The following PKIA variants were observed in gnomAD, a reference collection of about 807,000 sequenced individuals.
PKIA encodes cAMP-dependent protein kinase inhibitor alpha, also known as PKI-alpha.
In PKIA, 4 loss-of-function variants were observed where a neutral mutation model predicts 7.6. The observed-to-expected ratio is 0.52, with a 90% confidence interval of 0.26 to 1.20. The LOEUF is 1.20. Ranked by LOEUF, PKIA falls within the 50% of genes most tolerant of loss-of-function variation. The pLI, the probability that PKIA is intolerant of heterozygous loss-of-function variation, is 0.13. For synonymous variants in PKIA, 21 were observed against 30.7 expected, an observed-to-expected ratio of 0.68 and a Z score of 1.04; for missense variants, 73 against 86.2, an observed-to-expected ratio of 0.85 and a Z score of 0.61.
chr8:78,570,064 A>T (rs1486426385), intron 1 of PKIA, among the ~76,000 whole-genome samples: 1 of 152,174 alleles, frequency 6.6e-6, no homozygotes, highest in Admixed American at 6.6e-5. Context: ...GCTAACATCC[A>T]TATCATCAAA....
intron 1 of PKIA, among the ~76,000 whole-genome samples, chr8:78,518,366 T>C (rs1012547822): frequency 1.3e-5 from 2 of 152,226 alleles, no homozygotes; most frequent in Non-Finnish European, 2.9e-5. Flanking sequence ...ACATTAACTA[T>C]GAGGTAACAA....
chr8:78,572,488 C>T (rs1404880635), intron 1 of PKIA, among the ~76,000 whole-genome samples: 3 of 150,378 alleles, frequency 2.0e-5, no homozygotes, highest in Non-Finnish European at 4.4e-5. Flanking sequence ...AAATCACTGA[C>T]TAGTAGTCAA....
intron 2 of PKIA, among the ~76,000 whole-genome samples, chr8:78,583,758 T>G (rs1807877943): frequency 6.6e-6 from 1 of 152,122 alleles, no homozygotes; most frequent in Non-Finnish European, 1.5e-5. Flanking sequence ...TGGCTTGACC[T>G]AATCTATTAT....
Position 78,604,139 on chromosome 8 carries a change from TAAGGAGAG to T in PKIA, c.*2324_*2331del, listed in dbSNP as rs1038238817. On this transcript the variant is annotated 3_prime_UTR_variant, in exon 4 of 4. Coordinates refer to ENST00000396418, the MANE Select transcript of PKIA (RefSeq NM_006823.4). ...AAGAATACATATGGATTTGAATTTT[TAAGGAGAG>T]AAGGAAAGGGTAGGAAACCAGGGCC... The T allele has an allele frequency of 1.3e-5, 2 of 152,026 alleles. No individual in the cohort carries two copies. The highest frequency in any genetic ancestry group is 1.3e-4 in the Admixed American group (2 of 15,232). The allele number at this position is 152,026 out of a possible 1,614,324, so 9.4% of individuals were successfully genotyped here. A position where few individuals can be genotyped will look rare whatever the true frequency, so the allele number is the denominator to read the frequency against.
intron 1 of PKIA, among the ~76,000 whole-genome samples, chr8:78,564,128 A>G (rs1807349563): frequency 6.6e-6 from 1 of 152,036 alleles, no homozygotes; most frequent in South Asian, 2.1e-4. Context: ...GAAGGAAGTA[A>G]AGAAGAAAGA....
chr8:78,542,861 C>T (rs113778061), intron 1 of PKIA, among the ~76,000 whole-genome samples: 38 of 152,198 alleles, frequency 2.5e-4, no homozygotes, highest in African/African-American at 8.2e-4. Context: ...CTTCCTGTCT[C>T]GTATCCATCT....
At position 78,551,330 on chromosome 8, in the gene PKIA, G is replaced by A. The variant is rs149219489; in HGVS notation, c.-156-21481G>A. ...GAAAAGGAGCTTATGTCTAATGTATGGTATATGGTAGACACCATGTTAGCA... is the reference window on the plus strand; with the variant it reads ...GAAAAGGAGCTTATGTCTAATGTATAGTATATGGTAGACACCATGTTAGCA... On this transcript the variant is annotated intron_variant, in intron 1 of 3. Transcript: ENST00000396418. 2.6e-3 allele frequency among the ~76,000 whole-genome samples: 391 copies of A among 152,070 alleles called. 2 individuals are homozygous for A. Among genetic ancestry groups the A allele is most frequent in the Non-Finnish European group, 4.4e-3 (302 of 67,926 alleles).
At chr8:78,519,253 A>G (rs1462724615) in intron 1 of PKIA, among the ~76,000 whole-genome samples, 1 of 152,104 alleles carries the variant, frequency 6.6e-6, no homozygotes, top group African/African-American at 2.4e-5. Flanking sequence ...TAGGAGTTAA[A>G]GTTGCCCTCT....
intron 1 of PKIA, among the ~76,000 whole-genome samples, chr8:78,526,396 CAT>C (rs1279555129): frequency 3.9e-5 from 6 of 152,056 alleles, no homozygotes; most frequent in Admixed American, 2.6e-4. Flanking sequence ...AATTGTACCA[CAT>C]GTCTAATCAC....
At chr8:78,574,832 G>A (rs910444977) in intron 2 of PKIA, among the ~76,000 whole-genome samples, 1 of 151,798 alleles carries the variant, frequency 6.6e-6, no homozygotes, top group Non-Finnish European at 1.5e-5. Flanking sequence ...ATTCTCTTGG[G>A]AACAGGAGAT....
At chr8:78,589,464 C>T (rs1415729281) in intron 2 of PKIA, among the ~76,000 whole-genome samples, 2 of 152,098 alleles carry the variant, frequency 1.3e-5, no homozygotes, top group South Asian at 2.1e-4. Flanking sequence ...AAAGTTTTTA[C>T]GTGTTAAACA....
chr8:78,568,443 T>G (rs901874328), intron 1 of PKIA, among the ~76,000 whole-genome samples: 14 of 152,184 alleles, frequency 9.2e-5, no homozygotes, highest in African/African-American at 3.4e-4. Context: ...CTTTTTAACA[T>G]TAATAGACCA....
At chr8:78,519,663 A>G (rs1809379492) in intron 1 of PKIA, among the ~76,000 whole-genome samples, 1 of 152,090 alleles carries the variant, frequency 6.6e-6, no homozygotes, top group Non-Finnish European at 1.5e-5. Context: ...CTTCTATGTT[A>G]TTCTTGGATT....
At chr8:78,571,355 C>G (rs552423856) in intron 1 of PKIA, among the ~76,000 whole-genome samples, 1 of 151,994 alleles carries the variant, frequency 6.6e-6, no homozygotes, top group Non-Finnish European at 1.5e-5. Context: ...CCACTGTATC[C>G]GATGCTGTCA....
At chr8:78,587,245 C>G (rs1220120968) in intron 2 of PKIA, among the ~76,000 whole-genome samples, 2 of 152,144 alleles carry the variant, frequency 1.3e-5, no homozygotes, top group African/African-American at 4.8e-5. Flanking sequence ...TCCTTGGACT[C>G]TTACAGAGCC....
intron 1 of PKIA, among the ~76,000 whole-genome samples, chr8:78,561,514 AT>A (rs1445436346): frequency 4.0e-5 from 6 of 151,852 alleles, no homozygotes; most frequent in Admixed American, 3.9e-4. Context: ...CTCTGTCACA[AT>A]CTTCTCCACT....
chr8:78,595,895 T>C (rs1308804612), intron 2 of PKIA, among the ~76,000 whole-genome samples: 1 of 152,208 alleles, frequency 6.6e-6, no homozygotes, highest in East Asian at 1.9e-4. Context: ...TACCCAGTAA[T>C]GTGATTGCTG....
Position 78,604,301 on chromosome 8 carries a change from G to A in PKIA, c.*2480G>A, listed in dbSNP as rs1808423415. Reference sequence around the variant, plus strand: ...AGTGGTATTTTTATCCAATTTCACAGATTAAAATATAAGCACTCAATAAAA... The same window carrying A: ...AGTGGTATTTTTATCCAATTTCACAAATTAAAATATAAGCACTCAATAAAA... On this transcript the variant is annotated 3_prime_UTR_variant, in exon 4 of 4. Coordinates refer to ENST00000396418, the MANE Select transcript of PKIA (RefSeq NM_006823.4). 1 of 151,878 alleles carries A rather than the reference G, an allele frequency of 6.6e-6. No homozygotes were observed. The highest frequency in any genetic ancestry group is 2.4e-5 in the African/African-American group (1 of 41,380). The allele number at this position is 151,878 out of a possible 1,614,324, so 9.4% of individuals were successfully genotyped here. A position where few individuals can be genotyped will look rare whatever the true frequency, so the allele number is the denominator to read the frequency against.
intron 1 of PKIA, among the ~76,000 whole-genome samples, chr8:78,565,574 C>G (rs1286152590): frequency 6.6e-6 from 1 of 151,854 alleles, no homozygotes. Context: ...GTTAGAAGCT[C>G]CTAAATTATT....
Sources: allele counts gnomAD v4.1 joint callset (sites outside exome capture counted in the v4.1 genomes callset), GRCh38; gene constraint gnomAD v4.1.1; transcripts MANE v1.5; gene names NCBI Gene and HGNC (gene_info 2026-07-23, HGNC 2026-07-21).